The following CACNA1E variants were observed in gnomAD, a reference collection of about 807,000 sequenced individuals.
CACNA1E encodes the protein calcium voltage-gated channel subunit alpha1 E.
CACNA1E carries 40 observed loss-of-function variants against 259.2 expected under a neutral mutation model. That is an observed-to-expected ratio of 0.15 (90% CI 0.12 to 0.20). CACNA1E has a LOEUF of 0.20. Ranked by LOEUF, CACNA1E falls within the 10% of genes least tolerant of loss-of-function variation. CACNA1E has a pLI of 1.00. For missense variants in CACNA1E, 1,874 were observed against 3,040.1 expected (o/e 0.62, Z 9.02); for synonymous variants, 1,104 against 1,138.5 (o/e 0.97, Z 0.61).
chr1:181,753,621 C>A (rs1657793308), intron 27 of CACNA1E, among the ~76,000 whole-genome samples: 1 of 152,138 alleles, frequency 6.6e-6, no homozygotes, highest in African/African-American at 2.4e-5. Context: ...CTCTCCCAAG[C>A]CTGCCACGGA....
intron 26 of CACNA1E, among the ~76,000 whole-genome samples, chr1:181,751,275 G>A (rs992489645): frequency 2.0e-5 from 3 of 152,194 alleles, no homozygotes; most frequent in Admixed American, 6.5e-5. Flanking sequence ...AAAATAAAAA[G>A]AGAAACATAC....
intron 2 of CACNA1E, among the ~76,000 whole-genome samples, chr1:181,447,352 C>T (rs891611106): frequency 6.6e-6 from 1 of 150,766 alleles, no homozygotes; most frequent in Non-Finnish European, 1.5e-5. Context: ...ATAGCAAGAC[C>T]TCATCTCTAA....
intron 2 of CACNA1E, among the ~76,000 whole-genome samples, chr1:181,445,634 A>T (rs1257080364): frequency 6.6e-6 from 1 of 152,242 alleles, no homozygotes; most frequent in Non-Finnish European, 1.5e-5. Context: ...ACAACAGGTG[A>T]TGTAGCACAC....
intron 7 of CACNA1E, among the ~76,000 whole-genome samples, chr1:181,688,586 G>A (rs767686854): frequency 6.6e-6 from 1 of 152,150 alleles, no homozygotes; most frequent in Non-Finnish European, 1.5e-5. Context: ...TTTGATATAT[G>A]TATATATTGT....
intron 1 of CACNA1E, among the ~76,000 whole-genome samples, chr1:181,487,986 C>T (rs1663993650): frequency 6.6e-6 from 1 of 152,202 alleles, no homozygotes; most frequent in Non-Finnish European, 1.5e-5. Flanking sequence ...TAATGAAGCT[C>T]ATCACAATGA....
chr1:181,498,551 T>C (rs12070246), intron 1 of CACNA1E, among the ~76,000 whole-genome samples: 4,140 of 152,290 alleles, frequency 0.027, 183 homozygotes, highest in African/African-American at 0.094. Flanking sequence ...TTCTCTCAGT[T>C]GTAATCATGT....
chr1:181,568,576 T>C (rs10910963), intron 3 of CACNA1E, among the ~76,000 whole-genome samples: 134,188 of 152,134 alleles, frequency 0.88, 60,957 homozygotes, highest in East Asian at 1. Context: ...CCCAGTCTCT[T>C]CAGATCTGTT....
intron 26 of CACNA1E, among the ~76,000 whole-genome samples, chr1:181,751,078 T>C (rs1657555935): frequency 6.6e-6 from 1 of 152,142 alleles, no homozygotes; most frequent in Admixed American, 6.5e-5. Flanking sequence ...TTTCCTCAGA[T>C]TGTTGGTGTA....
At chr1:181,593,429 A>G (rs572577040) in intron 6 of CACNA1E, among the ~76,000 whole-genome samples, 8 of 152,332 alleles carry the variant, frequency 5.3e-5, no homozygotes, top group African/African-American at 1.9e-4. Context: ...TGAAAAACAT[A>G]CCTATATTTG....
intron 3 of CACNA1E, among the ~76,000 whole-genome samples, chr1:181,512,054 G>C (rs989975342): frequency 6.6e-6 from 1 of 152,244 alleles, no homozygotes; most frequent in African/African-American, 2.4e-5. Flanking sequence ...TAAAATGTTG[G>C]ATAAATCATT....
At chr1:181,742,652 A>ACTTTG (rs1656685894) in intron 25 of CACNA1E, among the ~76,000 whole-genome samples, 1 of 152,000 alleles carries the variant, frequency 6.6e-6, no homozygotes, top group South Asian at 2.1e-4. Context: ...CCCTGGCCCA[A>ACTTTG]CTCCCAGGAG....
intron 6 of CACNA1E, among the ~76,000 whole-genome samples, chr1:181,627,809 G>A (rs1199636408): frequency 6.6e-6 from 1 of 152,162 alleles, no homozygotes; most frequent in Non-Finnish European, 1.5e-5. Flanking sequence ...TAATCTCATT[G>A]TTTTAGTGTC....
chr1:181,564,051 G>A (rs920546063), intron 3 of CACNA1E, among the ~76,000 whole-genome samples: 1 of 152,218 alleles, frequency 6.6e-6, no homozygotes, highest in Non-Finnish European at 1.5e-5. Flanking sequence ...GCTCCTGGTA[G>A]ATCTTACCTG....
chr1:181,573,384 C>A (rs918977630), intron 3 of CACNA1E, among the ~76,000 whole-genome samples: 3 of 152,170 alleles, frequency 2.0e-5, no homozygotes, highest in Non-Finnish European at 2.9e-5. Flanking sequence ...TTCCAGTAGC[C>A]TCCTGATTAA....
At chr1:181,520,691 A>G (rs1277411594) in intron 3 of CACNA1E, among the ~76,000 whole-genome samples, 3 of 152,240 alleles carry the variant, frequency 2.0e-5, no homozygotes, top group African/African-American at 7.2e-5. Flanking sequence ...TCAGCAGCAT[A>G]TCTAATTTTA....
chr1:181,429,208 G>C (rs567649911), intron 2 of CACNA1E, among the ~76,000 whole-genome samples: 9 of 152,256 alleles, frequency 5.9e-5, no homozygotes, highest in African/African-American at 2.2e-4. Context: ...AATTGTTTCT[G>C]TAAAGGAAAC....
At chr1:181,552,428 A>G (rs1648268986) in intron 3 of CACNA1E, among the ~76,000 whole-genome samples, 1 of 151,830 alleles carries the variant, frequency 6.6e-6, no homozygotes, top group South Asian at 2.1e-4. Context: ...GGAAATTATA[A>G]TAGTATTCAT....
intron 1 of CACNA1E, among the ~76,000 whole-genome samples, chr1:181,331,278 A>C (rs1651239795): frequency 6.6e-6 from 1 of 152,252 alleles, no homozygotes; most frequent in East Asian, 1.9e-4. Context: ...GGGATTTATT[A>C]GGGGAACTGG....
At chr1:181,706,066 T>A (rs1441146407) in intron 7 of CACNA1E, among the ~76,000 whole-genome samples, 2 of 152,162 alleles carry the variant, frequency 1.3e-5, no homozygotes, top group African/African-American at 2.4e-5. Flanking sequence ...AGGAGCCAAT[T>A]ACCTATCCTC....
Sources: gnomAD v4.1 joint callset for allele counts (sites outside exome capture counted in the v4.1 genomes callset) on GRCh38, gnomAD v4.1.1 for gene constraint, MANE v1.5 for transcripts, NCBI Gene and HGNC (gene_info 2026-07-23, HGNC 2026-07-21) for gene names.